Variants in NDEL1 observed in about 807,000 individuals in gnomAD.
The protein encoded by NDEL1 is nudE neurodevelopment protein 1 like 1, also known as nuclear distribution protein nudE-like 1.
A neutral mutation model predicts 45.7 loss-of-function variants in NDEL1; 9 were observed. The observed-to-expected ratio is 0.20, with a 90% CI of 0.12 to 0.34. The LOEUF (loss-of-function observed/expected upper bound fraction) is 0.34. NDEL1 is among the 10% of genes least tolerant of loss of function. The pLI, the probability that NDEL1 is intolerant of heterozygous loss-of-function variation, is 1.00. For missense variants in NDEL1, 306 were observed against 406.2 expected (o/e 0.75, Z 2.12); for synonymous variants, 133 against 158.6 (o/e 0.84, Z 1.21).
At chr17:8,436,145 A>G (rs2151703888) in intron 1 of NDEL1, 100 bp downstream of exon 1, 1 of 253,560 alleles carries the variant, frequency 3.9e-6, no homozygotes, top group Non-Finnish European at 7.8e-6. Flanking sequence ...GCCGTGTCTG[A>G]GGCTCCGCCG....
intron 1 of NDEL1, among the ~76,000 whole-genome samples, chr17:8,439,385 T>C (rs1311345491): frequency 6.7e-6 from 1 of 150,010 alleles, no homozygotes; most frequent in Non-Finnish European, 1.5e-5. Context: ...GGATTACAGG[T>C]GCCGGCCACC....
chr17:8,426,924 C>T (rs948295557), intron 1 of NDEL1, among the ~76,000 whole-genome samples: 7 of 152,146 alleles, frequency 4.6e-5, no homozygotes, highest in African/African-American at 1.7e-4. Context: ...GCAACCTAAA[C>T]TGTTCTCATT....
At chr17:8,420,258 T>C (rs531474264) in intron 1 of NDEL1, among the ~76,000 whole-genome samples, 5 of 152,268 alleles carry the variant, frequency 3.3e-5, no homozygotes, top group Admixed American at 2.0e-4. Flanking sequence ...TGTGAATGAG[T>C]GTTTGTAAAG....
At chr17:8,427,425 G>T (rs1257127438) in intron 1 of NDEL1, among the ~76,000 whole-genome samples, 1 of 152,174 alleles carries the variant, frequency 6.6e-6, no homozygotes, top group Non-Finnish European at 1.5e-5. Context: ...GGGAGGCTGG[G>T]CATGGTGGCT....
upstream of NDEL1, among the ~76,000 whole-genome samples, chr17:8,435,100 A>AAAC (rs1300790874): frequency 4.2e-5 from 6 of 144,088 alleles, no homozygotes; most frequent in South Asian, 2.2e-4. Flanking sequence ...AACAAACAAA[A>AAAC]ACCAAGATGG....
intron 1 of NDEL1, 32 bp downstream of exon 1, chr17:8,436,077 G>A: frequency 2.8e-6 from 1 of 359,452 alleles, no homozygotes; most frequent in South Asian, 1.9e-5. Context: ...GCTCCCTAAG[G>A]GGCTGCGCTG....
Position 8,467,113 on chromosome 17 carries a change from G to T in NDEL1, c.*90G>T, listed in dbSNP as rs922508133. 1.0e-5 allele frequency: 14 copies of T among 1,336,664 alleles called. No homozygotes were observed. Among genetic ancestry groups the T allele is most frequent in the Non-Finnish European group, 1.2e-5 (11 of 947,216 alleles). The allele number at this position is 1,336,664 out of a possible 1,614,324, so 82.8% of individuals were successfully genotyped here. ...CCTCGGTGCCTGGGCCCAGCCCCGT[G>T]CCCCTCCGTCTGCCTCCGCACGGCT... On this transcript the variant is annotated 3_prime_UTR_variant, in exon 9 of 9. Transcript: ENST00000334527. This position sits in a 1 kb window ranked among gnomAD's most constrained non-coding sequence, Gnocchi z 6.3.
rs1911104385 is a variant in NDEL1, at chr17:8,460,122, G to C, written c.906G>C (p.Lys302Asn). ...NCGVLNGNGT[K>N]FSRSGHTSFF... ...GGGTGCTGAATGGCAATGGCACAAA[G>C]TTCTCTCGATCAGGGCATACATCTT... Residue 302 changes from lysine (K) to asparagine (N), a missense_variant, in exon 8 of 9, where the codon AAG becomes AAC. By Grantham distance (94) the Lys-to-Asn change is moderately conservative. Coordinates refer to ENST00000334527, the MANE Select transcript of NDEL1 (RefSeq NM_030808.5). 1 of 1,614,032 alleles carries C rather than the reference G, an allele frequency of 6.2e-7. No individual in the cohort carries two copies. Among genetic ancestry groups the C allele is most frequent in the Non-Finnish European group, 8.5e-7 (1 of 1,180,034 alleles).
upstream of NDEL1, among the ~76,000 whole-genome samples, chr17:8,433,842 A>G (rs1419565224): frequency 2.0e-5 from 3 of 152,102 alleles, no homozygotes; most frequent in Non-Finnish European, 4.4e-5. Flanking sequence ...TTGGAAATCC[A>G]TGCATAGTTT....
intron 6 of NDEL1, among the ~76,000 whole-genome samples, chr17:8,453,448 G>A (rs891971470): frequency 6.6e-6 from 1 of 152,202 alleles, no homozygotes; most frequent in Non-Finnish European, 1.5e-5. Flanking sequence ...TGAGGTAGTT[G>A]TTATTTGCCC....
At position 8,474,254 on chromosome 17, in the gene NDEL1, A is replaced by C. The variant is rs1912143179; in HGVS notation, c.417+14094A>C. The C allele has an allele frequency of 2.0e-5, 3 of 152,770 alleles. No homozygotes were observed. In the South Asian group the frequency reaches 6.2e-4, roughly 32 times the overall value. 9.5% of individuals were successfully genotyped at this position (152,770 alleles called of 1,614,324 possible). ...GTTTATTGAGGTCTCTTTATTCTCC[A>C]CGGGTGCTTTTTTCTTCAAGTAAAC... On this transcript the variant is annotated intron_variant, in intron 3 of 3. Coordinates refer to the NDEL1 transcript ENST00000581679.
chr17:8,422,550 G>A lies in NDEL1; in HGVS notation c.-13+9281G>A, dbSNP rs1448730678. 6.6e-5 allele frequency among the ~76,000 whole-genome samples: 10 copies of A among 152,032 alleles called. 1 individual carries two copies. The East Asian group carries it at 1.9e-3, about 29-fold the overall frequency. On this transcript the variant is annotated intron_variant, in intron 1 of 4. Coordinates refer to the NDEL1 transcript ENST00000582812. ...CTGCCAGGCCTGCTTCCCTCTCCTG[G>A]AAGGGGCATTTCTACTGTGATTAAC...
In NDEL1 at chr17:8,435,962, G is replaced by A. The variant is rs756086784; in HGVS notation, c.-96G>A. ...CGGGGCTGCGTAGGGGAGCTGAGCC[G>A]AGCGGCTGGGCGGGCCTGGCCGGGC... On this transcript the variant is annotated 5_prime_UTR_variant, in exon 1 of 9. Transcript: ENST00000334527. 2.2e-6 allele frequency: 1 copy of A among 448,276 alleles called. No individual in the cohort carries two copies. The highest frequency in any genetic ancestry group is 1.6e-5 in the South Asian group (1 of 63,892). The allele number at this position is 448,276 out of a possible 1,614,324, so 27.8% of individuals were successfully genotyped here.
At chr17:8,415,180 CTCTT>C (rs1224185545) in intron 1 of NDEL1, among the ~76,000 whole-genome samples, 1 of 144,022 alleles carries the variant, frequency 6.9e-6, no homozygotes, top group Non-Finnish European at 1.5e-5. Flanking sequence ...CTCTCTTTCT[CTCTT>C]TCTTTCTTTT....
At chr17:8,428,722 A>G (rs1343635147) in intron 1 of NDEL1, among the ~76,000 whole-genome samples, 1 of 148,228 alleles carries the variant, frequency 6.7e-6, no homozygotes, top group Non-Finnish European at 1.5e-5. Flanking sequence ...CACCCAGGCC[A>G]GACTGCAGTG....
upstream of NDEL1, chr17:8,435,768 T>TGGCCCGCCCCC (rs1441444125): frequency 2.8e-6 from 1 of 355,542 alleles, no homozygotes; most frequent in African/African-American, 2.3e-5. Flanking sequence ...CGCCGGGCTC[T>TGGCCCGCCCCC]GGCCCGCCCC....
intron 3 of NDEL1, 34 bp downstream of exon 3, chr17:8,445,898 G>A: frequency 2.2e-6 from 3 of 1,388,444 alleles, no homozygotes; most frequent in Non-Finnish European, 2.8e-6. Flanking sequence ...GGTCTAATGT[G>A]TTGAGTTTTA....
chr17:8,432,106 C>G (rs1909013514), upstream of NDEL1: 1 of 151,264 alleles, frequency 6.6e-6, no homozygotes, highest in South Asian at 2.1e-4. Context: ...AAGTGATCTA[C>G]CCGCCCCAGG....
At chr17:8,472,127 C>G (rs1251159255), downstream of NDEL1, among the ~76,000 whole-genome samples, 1 of 152,144 alleles carries the variant, frequency 6.6e-6, no homozygotes, top group African/African-American at 2.4e-5. Context: ...CTTCTCCAGT[C>G]TTGATGTGGA....
Sources: gnomAD v4.1 joint callset for allele counts (sites outside exome capture counted in the v4.1 genomes callset) on GRCh38, gnomAD v4.1.1 for gene constraint, Gnocchi (gnomAD v3.1) non-coding constraint, MANE v1.5 for transcripts, NCBI Gene and HGNC (gene_info 2026-07-23, HGNC 2026-07-21) for gene names.